Variants in HTR3B observed in about 807,000 individuals in gnomAD.
HTR3B encodes 5-hydroxytryptamine receptor 3B.
In HTR3B, 44 loss-of-function variants were observed where a neutral mutation model predicts 42.8. The ratio of observed to expected loss-of-function variants is 1.03; its 90% CI spans 0.81 to 1.32. The LOEUF is 1.32. HTR3B is among the 40% of genes most tolerant of loss of function. The pLI, the probability that HTR3B is intolerant of heterozygous loss-of-function variation, is 0.00. For synonymous variants in HTR3B, 203 were observed against 209.0 expected, an observed-to-expected ratio of 0.97 and a Z score of 0.25; for missense variants, 527 against 536.5, an observed-to-expected ratio of 0.98 and a Z score of 0.17.
chr11:113,930,770 C>T (rs370242779), intron 2 of HTR3B, among the ~76,000 whole-genome samples: 271 of 152,166 alleles, frequency 1.8e-3, no homozygotes, highest in Middle Eastern at 0.01. Context: ...ATCACAGGGA[C>T]GAACCACTGT....
chr11:113,931,578 A>G, intron 3 of HTR3B, 150 bp downstream of exon 3: 1 of 691,400 alleles, frequency 1.4e-6, no homozygotes, highest in Non-Finnish European at 2.4e-6. Context: ...TTTAAGATGT[A>G]TGGCCCTGGT....
Position 113,944,736 on chromosome 11 carries a change from C to T in HTR3B, c.1071C>T (p.Ala357=). 6.2e-7 allele frequency: 1 copy of T among 1,614,030 alleles called. No individual in the cohort carries two copies. The highest frequency in any genetic ancestry group is 1.1e-5 in the South Asian group (1 of 91,068). The part of the protein sequence containing the change: ...DADRPRVEPR[A]QRAVVTESSL... Reference sequence around the variant, plus strand: ...ACAGGCCTAGAGTGGAACCCAGGGCCCAACGTGCTGTGGTAACAGGTGTGT... The same window carrying T: ...ACAGGCCTAGAGTGGAACCCAGGGCTCAACGTGCTGTGGTAACAGGTGTGT... The change falls in exon 8 of 9, where the codon GCC becomes GCT. Residue 357 remains alanine, a synonymous_variant. Coordinates refer to ENST00000260191, the MANE Select transcript of HTR3B (RefSeq NM_006028.5).
chr11:113,943,099 G>T lies in HTR3B; in HGVS notation c.814G>T (p.Val272Leu), dbSNP rs970549409. 5.0e-6 allele frequency: 8 copies of T among 1,614,004 alleles called. No individual in the cohort carries two copies. Among genetic ancestry groups the T allele is most frequent in the South Asian group, 1.1e-5 (1 of 91,086 alleles). Residue 272 changes from valine (V) to leucine (L), a missense_variant, in exon 7 of 9, where the codon GTG becomes TTG. Physicochemically the swap from Val to Leu is conservative, Grantham distance 32 (BLOSUM62 1). Coordinates refer to ENST00000260191, the MANE Select transcript of HTR3B (RefSeq NM_006028.5). ...GCCACCCAACTGCCGAGCCAGGATT[G>T]TGTTCAAGACCAGTGTGCTGGTGGG... is the stretch of plus-strand genomic sequence containing the variant. ...YLPPNCRARIVFKTSVLVGYT... is the reference protein window; with the variant it reads ...YLPPNCRARILFKTSVLVGYT...
rs267602702 is a variant in HTR3B, at chr11:113,932,964, G to A, written c.567G>A (p.Arg189=). The change falls in exon 6 of 9, where the codon AGG becomes AGA. Residue 189 remains arginine (R), a synonymous_variant. Transcript: ENST00000260191. The stretch of plus-strand genomic sequence containing the variant: ...AAGACGTAGACCTGGCCTTTCTGAG[G>A]AGCCCAGAAGACATTCAGCATGACA... ...TVEDVDLAFL[R]SPEDIQHDKK... is the part of the protein sequence containing the mutation. The A allele has an allele frequency of 1.2e-6, 2 of 1,614,056 alleles. No homozygotes were observed. The highest frequency in any genetic ancestry group is 1.1e-5 in the South Asian group (1 of 91,062).
intron 2 of HTR3B, 131 bp downstream of exon 2, chr11:113,909,586 A>C (rs757586056): frequency 2.8e-6 from 2 of 724,276 alleles, no homozygotes; most frequent in South Asian, 2.0e-5. Context: ...CGCTAGATTC[A>C]TTTTAGCAGT....
chr11:113,947,567 C>T lies in HTR3B; in HGVS notation c.*1430C>T, dbSNP rs1950189490. Among the ~76,000 whole-genome samples, 1 of 152,170 alleles carries T rather than the reference C, an allele frequency of 6.6e-6. No homozygotes were observed. The highest frequency in any genetic ancestry group is 1.5e-5 in the Non-Finnish European group (1 of 68,036). ...CTGTCCTTGGCTTGCAGGTTGCTGA[C>T]TTCTTGCTTTGTTTTCACATGACCT... On this transcript the variant is annotated 3_prime_UTR_variant, in exon 9 of 9. Transcript: ENST00000260191.
chr11:113,907,401 T>A (rs547629832), intron 1 of HTR3B, among the ~76,000 whole-genome samples: 50 of 152,238 alleles, frequency 3.3e-4, no homozygotes, highest in Non-Finnish European at 6.5e-4. Context: ...ATCTCTCTCC[T>A]GTAATTGATC....
chr11:113,948,656 G>A lies in HTR3B; in HGVS notation c.*2519G>A, dbSNP rs1950197056. ...AGGTGGGTGGATTACCTGAGGTCAG[G>A]AGTTTGAGACCAGCCTGACCAACAT... On this transcript the variant is annotated 3_prime_UTR_variant, in exon 9 of 9. Transcript: ENST00000260191. 6.6e-6 allele frequency among the ~76,000 whole-genome samples: 1 copy of A among 152,050 alleles called. No individual in the cohort carries two copies. The highest frequency in any genetic ancestry group is 6.5e-5 in the Admixed American group (1 of 15,278).
rs770088313 is a variant in HTR3B, at chr11:113,932,381, C to T, written c.461C>T (p.Ala154Val). The T allele has an allele frequency of 1.5e-5, 25 of 1,613,400 alleles. No homozygotes were observed. Among genetic ancestry groups the T allele is most frequent in the Middle Eastern group, 1.6e-4 (1 of 6,084 alleles). The change falls in exon 5 of 9, where the codon GCG becomes GTG. Residue 154 changes from alanine to valine, a missense_variant. Physicochemically the swap from Ala to Val is moderately conservative, Grantham distance 64. Transcript: ENST00000260191. ...TATAAGCCCATCCAGGTGGTCTCTGCGTGCAGTTTAGAGACATATGCTTTT... is the reference window on the plus strand; with the variant it reads ...TATAAGCCCATCCAGGTGGTCTCTGTGTGCAGTTTAGAGACATATGCTTTT... Reference protein sequence around the residue: ...ENYKPIQVVSACSLETYAFPF... With the variant: ...ENYKPIQVVSVCSLETYAFPF...
At chr11:113,918,432 A>C (rs2137500436) in intron 2 of HTR3B, among the ~76,000 whole-genome samples, 2 of 152,112 alleles carry the variant, frequency 1.3e-5, no homozygotes, top group Middle Eastern at 6.8e-3. Flanking sequence ...GCTGACTCCT[A>C]ACCCCTGGCA....
intron 2 of HTR3B, among the ~76,000 whole-genome samples, chr11:113,928,287 G>C (rs760564515): frequency 2.0e-5 from 3 of 152,018 alleles, no homozygotes; most frequent in Non-Finnish European, 4.4e-5. Context: ...GTGTATCATT[G>C]TTGGGCATTT....
rs779775721 is a variant in HTR3B, at chr11:113,945,987, C to G, written c.1176C>G (p.Leu392=). 1.2e-6 allele frequency: 2 copies of G among 1,614,146 alleles called. No homozygotes were observed. Among genetic ancestry groups the G allele is most frequent in the Non-Finnish European group, 1.7e-6 (2 of 1,180,028 alleles). Residue 392 remains leucine, a synonymous_variant, in exon 9 of 9, where the codon CTC becomes CTG. Transcript: ENST00000260191. ...AGCTTCAATCTATCAGCAACTACCT[C>G]CAAACTCAGGACCAGACAGACCAAC... ...WSQLQSISNY[L]QTQDQTDQQE... is the part of the protein sequence containing the mutation.
intron 2 of HTR3B, among the ~76,000 whole-genome samples, chr11:113,911,714 G>A (rs1483377664): frequency 6.6e-6 from 1 of 152,052 alleles, no homozygotes; most frequent in African/African-American, 2.4e-5. Context: ...TTTTAGTAGA[G>A]ATGGGGTTCC....
upstream of HTR3B, among the ~76,000 whole-genome samples, chr11:113,904,146 T>G (rs532916623): frequency 6.6e-6 from 1 of 152,288 alleles, no homozygotes; most frequent in South Asian, 2.1e-4. Flanking sequence ...TTATGCATCA[T>G]GTTCCTTAGT....
Position 113,948,069 on chromosome 11 carries a change from G to A in HTR3B, c.*1932G>A, listed in dbSNP as rs577619449. 2.0e-5 allele frequency among the ~76,000 whole-genome samples: 3 copies of A among 151,766 alleles called. No homozygotes were observed. The highest frequency in any genetic ancestry group is 3.9e-4 in the East Asian group (2 of 5,160). Reference sequence around the variant, plus strand: ...CATTACCTCCCAGTTAGTGCTCAGCGCCAATTGTCCATGAAATTCCACTGC... The same window carrying A: ...CATTACCTCCCAGTTAGTGCTCAGCACCAATTGTCCATGAAATTCCACTGC... On this transcript the variant is annotated 3_prime_UTR_variant, in exon 9 of 9. Transcript: ENST00000260191.
chr11:113,929,263 T>C (rs1950007877), intron 2 of HTR3B, among the ~76,000 whole-genome samples: 1 of 152,234 alleles, frequency 6.6e-6, no homozygotes, highest in African/African-American at 2.4e-5. Flanking sequence ...TGCATTTCCC[T>C]AATGATTAGT....
chr11:113,901,752 T>A (rs1404592589), upstream of HTR3B, among the ~76,000 whole-genome samples: 1 of 152,152 alleles, frequency 6.6e-6, no homozygotes, highest in Non-Finnish European at 1.5e-5. Context: ...CAGTAACAGA[T>A]GGGCATATCA....
chr11:113,934,438 GAAAGAAA>G (rs1487659893), intron 6 of HTR3B, among the ~76,000 whole-genome samples: 1 of 146,614 alleles, frequency 6.8e-6, no homozygotes, highest in African/African-American at 2.5e-5. Flanking sequence ...AGGAAAGAAA[GAAAGAAA>G]AAAGAAAGAA....
intron 6 of HTR3B, 27 bp downstream of exon 6, chr11:113,933,120 TGCCCGC>T (rs1950054670): frequency 6.2e-7 from 1 of 1,602,424 alleles, no homozygotes; most frequent in Non-Finnish European, 8.5e-7. Context: ...CTGTCCCCGT[TGCCCGC>T]TTCTCCCCAG....
Sources: gnomAD v4.1 joint callset for allele counts (sites outside exome capture counted in the v4.1 genomes callset) on GRCh38, gnomAD v4.1.1 for gene constraint, MANE v1.5 for transcripts, NCBI Gene and HGNC (gene_info 2026-07-23, HGNC 2026-07-21) for gene names.